The following AGBL4 variants were observed in gnomAD, a reference collection of about 807,000 sequenced individuals.
AGBL4 encodes the protein AGBL carboxypeptidase 4, also known as cytosolic carboxypeptidase 6.
AGBL4 carries 58 observed loss-of-function variants against 66.4 expected under a neutral mutation model. The ratio of observed to expected loss-of-function variants is 0.87; its 90% CI spans 0.71 to 1.09. The LOEUF (loss-of-function observed/expected upper bound fraction) is 1.09, where lower values mean the gene tolerates loss of function less well. Among genes scored for constraint, AGBL4 ranks in the 50% least tolerant of loss-of-function variants. The pLI, the probability that AGBL4 is intolerant of heterozygous loss-of-function variation, is 0.00. For missense variants in AGBL4, 579 were observed against 631.0 expected (o/e 0.92, Z 0.88); for synonymous variants, 234 against 222.9 (o/e 1.05, Z -0.44).
chr1:49,689,449 G>C (rs1275696137), intron 3 of AGBL4, among the ~76,000 whole-genome samples: 1 of 152,150 alleles, frequency 6.6e-6, no homozygotes, highest in African/African-American at 2.4e-5. Flanking sequence ...TTTTATGCCA[G>C]TACCATGCTG....
At chr1:49,563,214 G>C (rs1644099448) in intron 3 of AGBL4, among the ~76,000 whole-genome samples, 1 of 78,862 alleles carries the variant, frequency 1.3e-5, no homozygotes, top group South Asian at 3.1e-4. Flanking sequence ...TTTGGGCTGA[G>C]ACAATGGGGT....
intron 5 of AGBL4, among the ~76,000 whole-genome samples, chr1:48,911,533 T>C (rs760051889): frequency 4.7e-5 from 7 of 147,662 alleles, no homozygotes; most frequent in Non-Finnish European, 7.4e-5. Flanking sequence ...GGCAGGAGAA[T>C]GGCGTGAACC....
At chr1:49,467,531 T>C (rs1026759506) in intron 3 of AGBL4, among the ~76,000 whole-genome samples, 1 of 151,752 alleles carries the variant, frequency 6.6e-6, no homozygotes, top group African/African-American at 2.4e-5. Flanking sequence ...TATACAACTG[T>C]GAGGGCACCA....
chr1:49,743,470 T>C (rs1650713858), intron 2 of AGBL4, among the ~76,000 whole-genome samples: 1 of 152,184 alleles, frequency 6.6e-6, no homozygotes, highest in Non-Finnish European at 1.5e-5. Flanking sequence ...GTAAACTAGT[T>C]CAACCATTGT....
chr1:49,594,894 G>A (rs558914714), intron 3 of AGBL4, among the ~76,000 whole-genome samples: 71 of 152,164 alleles, frequency 4.7e-4, no homozygotes, highest in Non-Finnish European at 9.1e-4. Context: ...CCAGTAATGG[G>A]ATTGCTAGGT....
At chr1:49,023,558 T>C (rs2149025419) in intron 5 of AGBL4, among the ~76,000 whole-genome samples, 1 of 152,284 alleles carries the variant, frequency 6.6e-6, no homozygotes, top group South Asian at 2.1e-4. Context: ...AAAGCCACAA[T>C]AATCATTATT....
intron 2 of AGBL4, among the ~76,000 whole-genome samples, chr1:49,835,067 T>G (rs1419751583): frequency 1.3e-5 from 2 of 152,116 alleles, no homozygotes; most frequent in African/African-American, 4.8e-5. Context: ...GGGTGGAGAG[T>G]TCTGTCGATG....
intron 1 of AGBL4, among the ~76,000 whole-genome samples, chr1:49,936,091 A>C (rs1052085322): frequency 6.6e-6 from 1 of 152,226 alleles, no homozygotes; most frequent in African/African-American, 2.4e-5. Flanking sequence ...AAGTTTGAAA[A>C]CAATTTAGAT....
At chr1:48,644,783 C>T (rs1278687122) in intron 8 of AGBL4, among the ~76,000 whole-genome samples, 1 of 152,148 alleles carries the variant, frequency 6.6e-6, no homozygotes, top group Non-Finnish European at 1.5e-5. Context: ...GGCTAAAGAG[C>T]TTTCGTTCTT....
At position 49,971,536 on chromosome 1, in the gene AGBL4, A is replaced by C. The variant is rs373824840; in HGVS notation, c.34+52227T>G. The stretch of plus-strand genomic sequence containing the variant: ...TCAGCTTAATAAGGAAAGAAAAAAG[A>C]AATCACATGGTGAGGTCACTAAGAA... On this transcript the variant is annotated intron_variant, in intron 1 of 13. Coordinates refer to ENST00000371839, the MANE Select transcript of AGBL4 (RefSeq NM_032785.4). 1.4e-3 allele frequency among the ~76,000 whole-genome samples: 210 copies of C among 152,312 alleles called. 1 individual carries two copies. Among genetic ancestry groups the C allele is most frequent in the African/African-American group, 4.7e-3 (197 of 41,556 alleles).
At chr1:49,843,530 T>G (rs1646055349) in intron 2 of AGBL4, among the ~76,000 whole-genome samples, 4 of 152,190 alleles carry the variant, frequency 2.6e-5, no homozygotes, top group Admixed American at 2.6e-4. Context: ...TAAGGGGTGG[T>G]CAAGTCTCAC....
At chr1:49,843,322 G>A (rs1181704493) in intron 2 of AGBL4, among the ~76,000 whole-genome samples, 2 of 151,684 alleles carry the variant, frequency 1.3e-5, no homozygotes, top group African/African-American at 2.4e-5. Context: ...GTGTGTGTGT[G>A]GAGATGGGGA....
At chr1:48,688,774 G>C (rs982164063) in intron 6 of AGBL4, among the ~76,000 whole-genome samples, 7 of 151,944 alleles carry the variant, frequency 4.6e-5, no homozygotes, top group Non-Finnish European at 1.0e-4. Context: ...AAACTCCACA[G>C]ATCCAGGAAG....
intron 3 of AGBL4, among the ~76,000 whole-genome samples, chr1:49,677,160 GTC>G (rs1169125910): frequency 1.3e-5 from 2 of 151,318 alleles, no homozygotes; most frequent in East Asian, 1.9e-4. Context: ...TACTTACTTA[GTC>G]TCTCTCTCTC....
At chr1:49,565,024 GTTC>G (rs879612444) in intron 3 of AGBL4, among the ~76,000 whole-genome samples, 1 of 152,200 alleles carries the variant, frequency 6.6e-6, no homozygotes, top group Non-Finnish European at 1.5e-5. Context: ...AGGATAGCTA[GTTC>G]TTCTTGTTGA....
At chr1:49,657,628 C>G (rs1646171421) in intron 3 of AGBL4, among the ~76,000 whole-genome samples, 1 of 152,154 alleles carries the variant, frequency 6.6e-6, no homozygotes, top group Non-Finnish European at 1.5e-5. Flanking sequence ...CCACAGTAAC[C>G]AAAACAGCAT....
chr1:49,172,333 T>C (rs1299074164), intron 4 of AGBL4, among the ~76,000 whole-genome samples: 1 of 152,166 alleles, frequency 6.6e-6, no homozygotes, highest in African/African-American at 2.4e-5. Flanking sequence ...TGGTAAATGC[T>C]AGAGCAGAAG....
At chr1:49,364,386 C>T (rs921944011) in intron 3 of AGBL4, among the ~76,000 whole-genome samples, 6 of 152,030 alleles carry the variant, frequency 3.9e-5, no homozygotes. Flanking sequence ...TAATCTATAA[C>T]ACAGAAATAT....
In AGBL4 at chr1:48,739,492, C is replaced by T. The variant is rs540653464; in HGVS notation, c.635-76251G>A. Reference sequence around the variant, plus strand: ...ATAGTCCATCTACACTACAAAATTCCGGAACTTGTTCATTTCCCGCTACTT... The same window carrying T: ...ATAGTCCATCTACACTACAAAATTCTGGAACTTGTTCATTTCCCGCTACTT... On this transcript the variant is annotated intron_variant, in intron 6 of 13. Transcript: ENST00000371839. 4.6e-5 allele frequency among the ~76,000 whole-genome samples: 7 copies of T among 152,268 alleles called. No individual in the cohort carries two copies. The East Asian group carries it at 5.8e-4, about 13-fold the overall frequency.
Sources: gnomAD v4.1 joint callset for allele counts (sites outside exome capture counted in the v4.1 genomes callset) on GRCh38, gnomAD v4.1.1 for gene constraint, MANE v1.5 for transcripts, NCBI Gene and HGNC (gene_info 2026-07-23, HGNC 2026-07-21) for gene names.